The following KANSL1 variants were observed in gnomAD, a reference collection of about 807,000 sequenced individuals.
KANSL1 encodes KAT8 regulatory NSL complex subunit 1, also known as MLL1/MLL complex subunit KANSL1.
In KANSL1, 22 loss-of-function variants were observed where a neutral mutation model predicts 103.6. The observed-to-expected ratio is 0.21, with a 90% CI of 0.15 to 0.30. The LOEUF (loss-of-function observed/expected upper bound fraction) is 0.30. KANSL1 is among the 10% of genes least tolerant of loss of function. The pLI is 1.00. For missense variants in KANSL1, 1,337 were observed against 1,399.8 expected (o/e 0.96, Z 0.72); for synonymous variants, 600 against 527.6 (o/e 1.14, Z -1.88).
intron 1 of KANSL1, among the ~76,000 whole-genome samples, chr17:46,184,801 A>T (rs1335208421): frequency 6.7e-6 from 1 of 148,884 alleles, no homozygotes; most frequent in Non-Finnish European, 1.5e-5. Context: ...ATAAACTCAC[A>T]ATTTTGTCTT....
chr17:46,067,004 T>G (rs1468187961), intron 5 of KANSL1, among the ~76,000 whole-genome samples: 1 of 152,244 alleles, frequency 6.6e-6, no homozygotes, highest in Non-Finnish European at 1.5e-5. Context: ...TTCTAGTGAT[T>G]GAGTTCTCCT....
In KANSL1 at chr17:46,058,735, ACACACACACTCTCTCTCTCTCTCTCT is replaced by A. The variant is rs1373058976; in HGVS notation, c.1848+7776_1848+7801del. 7.9e-3 allele frequency among the ~76,000 whole-genome samples: 425 copies of A among 54,062 alleles called. 2 individuals carry two copies. The highest frequency in any genetic ancestry group is 0.017 in the South Asian group (15 of 908). The allele number at this position is 54,062 out of a possible 152,430, so 35.5% of individuals were successfully genotyped here. A position where few individuals can be genotyped will look rare whatever the true frequency, so the allele number is the denominator to read the frequency against. On this transcript the variant is annotated intron_variant, in intron 6 of 14. Coordinates refer to ENST00000432791, the MANE Select transcript of KANSL1 (RefSeq NM_015443.4). The stretch of plus-strand genomic sequence containing the variant: ...AACACACACACACACACACACACAC[ACACACACACTCTCTCTCTCTCTCTCT>A]CTCTCTCTCTCTCTCTCTCTCTCTC...
chr17:46,148,875 C>T (rs911466024), intron 2 of KANSL1, among the ~76,000 whole-genome samples: 4 of 149,122 alleles, frequency 2.7e-5, no homozygotes, highest in East Asian at 2.0e-4. Flanking sequence ...CATGAACCAC[C>T]GTACCTGGCC....
intron 2 of KANSL1, among the ~76,000 whole-genome samples, chr17:46,151,722 T>C (rs1384569349): frequency 9.9e-5 from 15 of 152,252 alleles, no homozygotes; most frequent in Non-Finnish European, 1.6e-4. Context: ...ATATTCATCA[T>C]TGCAACTTAC....
rs139097632 is a variant in KANSL1, at chr17:46,053,723, C to T, written c.1849-3019G>A. On this transcript the variant is annotated intron_variant, in intron 6 of 14. Coordinates refer to ENST00000432791, the MANE Select transcript of KANSL1 (RefSeq NM_015443.4). The stretch of plus-strand genomic sequence containing the variant: ...TGCTGGGATTATAGGCATGAGCCAC[C>T]GCACCCGGCCAAAGATATATTTAAT... Among the ~76,000 whole-genome samples the T allele has an allele frequency of 1.5e-3, 224 of 152,208 alleles. 2 individuals are homozygous for T. The highest frequency in any genetic ancestry group is 2.2e-3 in the African/African-American group (90 of 41,540).
At chr17:46,150,605 G>A (rs2045037671) in intron 2 of KANSL1, among the ~76,000 whole-genome samples, 1 of 152,180 alleles carries the variant, frequency 6.6e-6, no homozygotes, top group African/African-American at 2.4e-5. Flanking sequence ...CTGTTAATAA[G>A]ACCAAGACAC....
intron 3 of KANSL1, among the ~76,000 whole-genome samples, chr17:46,089,683 CAGTAACTAAAA>C (rs1421744192): frequency 6.6e-6 from 1 of 151,842 alleles, no homozygotes; most frequent in African/African-American, 2.4e-5. Context: ...TCTTCCATTT[CAGTAACTAAAA>C]AAAAAACCCA....
chr17:46,080,401 T>C lies in KANSL1; in HGVS notation c.1533+2040A>G, dbSNP rs377612984. Among the ~76,000 whole-genome samples the C allele has an allele frequency of 6.5e-4, 97 of 150,304 alleles. No homozygotes were observed. In the South Asian group the frequency reaches 0.01, roughly 16 times the overall value. On this transcript the variant is annotated intron_variant, in intron 4 of 14. Coordinates refer to ENST00000432791, the MANE Select transcript of KANSL1 (RefSeq NM_015443.4). Reference sequence around the variant, plus strand: ...CAAAATGGAAAACAGGCTGGTTACATGTGGGTATGAAAACCTACAGTTGCC... The same window carrying C: ...CAAAATGGAAAACAGGCTGGTTACACGTGGGTATGAAAACCTACAGTTGCC...
At chr17:46,088,348 C>G (rs2079244187) in intron 3 of KANSL1, 2 of 152,306 alleles carry the variant, frequency 1.3e-5, no homozygotes, top group South Asian at 4.1e-4. Flanking sequence ...AGACCAGTTC[C>G]ACAAGAATCA....
At chr17:46,195,708 A>G (rs1392720024), upstream of KANSL1, among the ~76,000 whole-genome samples, 1 of 152,158 alleles carries the variant, frequency 6.6e-6, no homozygotes, top group East Asian at 1.9e-4. Flanking sequence ...ATATGCCACC[A>G]TGCCCAGCTG....
chr17:46,220,678 T>C (rs1355286009), intron 1 of KANSL1, among the ~76,000 whole-genome samples: 2 of 152,266 alleles, frequency 1.3e-5, no homozygotes, highest in Admixed American at 6.5e-5. Context: ...TTTATTCTTC[T>C]AAAGGTTTGT....
intron 2 of KANSL1, among the ~76,000 whole-genome samples, chr17:46,138,634 GA>G (rs1211349732): frequency 6.6e-6 from 1 of 152,210 alleles, no homozygotes; most frequent in Non-Finnish European, 1.5e-5. Context: ...TCACATCAGA[GA>G]GACTCCACCT....
At chr17:46,074,991 C>T (rs1443272239) in intron 4 of KANSL1, among the ~76,000 whole-genome samples, 1 of 151,944 alleles carries the variant, frequency 6.6e-6, no homozygotes, top group African/African-American at 2.4e-5. Flanking sequence ...CAATGCGTAA[C>T]CTCTAATAAT....
chr17:46,077,446 T>C (rs868102312), intron 4 of KANSL1, among the ~76,000 whole-genome samples: 1 of 152,242 alleles, frequency 6.6e-6, no homozygotes, highest in African/African-American at 2.4e-5. Context: ...TAGGTTTTTT[T>C]CCTAATTTTT....
intron 7 of KANSL1, 197 bp from the exon 8 acceptor site, chr17:46,040,081 T>C: frequency 2.1e-6 from 1 of 475,878 alleles, no homozygotes; most frequent in Non-Finnish European, 3.7e-6. Context: ...TTTAGCTTTT[T>C]ACTTTCAAGT....
upstream of KANSL1, among the ~76,000 whole-genome samples, chr17:46,198,693 C>G (rs2047697917): frequency 6.6e-6 from 1 of 152,236 alleles, no homozygotes; most frequent in Non-Finnish European, 1.5e-5. Context: ...GATCGCACCA[C>G]TGCACTCCAA....
At chr17:46,085,267 A>G (rs1263085427) in intron 3 of KANSL1, among the ~76,000 whole-genome samples, 2 of 152,172 alleles carry the variant, frequency 1.3e-5, no homozygotes, top group Non-Finnish European at 2.9e-5. Context: ...ACTCATTTTT[A>G]TATTTTATCA....
chr17:46,047,747 C>T (rs2077562237), intron 7 of KANSL1, among the ~76,000 whole-genome samples: 2 of 150,050 alleles, frequency 1.3e-5, no homozygotes, highest in Non-Finnish European at 3.0e-5. Flanking sequence ...GTGATCACTC[C>T]ACTGAACTCC....
chr17:46,085,025 T>C (rs2079113948), intron 3 of KANSL1, among the ~76,000 whole-genome samples: 1 of 152,188 alleles, frequency 6.6e-6, no homozygotes, highest in Non-Finnish European at 1.5e-5. Flanking sequence ...CCAAAAATCA[T>C]TTTATTATTC....
Sources: allele counts gnomAD v4.1 joint callset (sites outside exome capture counted in the v4.1 genomes callset), GRCh38; gene constraint gnomAD v4.1.1; transcripts MANE v1.5; gene names NCBI Gene and HGNC (gene_info 2026-07-23, HGNC 2026-07-21).